Variants in PRKN observed in about 807,000 individuals in gnomAD.
PRKN encodes the protein E3 ubiquitin-protein ligase parkin.
In PRKN, 56 loss-of-function variants were observed where a neutral mutation model predicts 59.5. The ratio of observed to expected loss-of-function variants is 0.94; its 90% CI spans 0.76 to 1.18. The LOEUF is 1.18. PRKN is among the 50% of genes most tolerant of loss of function. The pLI is 0.00. For synonymous variants in PRKN, 250 were observed against 222.1 expected, an observed-to-expected ratio of 1.13 and a Z score of -1.12; for missense variants, 657 against 596.4, an observed-to-expected ratio of 1.10 and a Z score of -1.06.
chr6:162,574,764 G>GTTTTTTTTTT (rs371613068), intron 1 of PRKN, among the ~76,000 whole-genome samples: 3 of 86,306 alleles, frequency 3.5e-5, no homozygotes, highest in Non-Finnish European at 4.7e-5. Context: ...ATGATACTAA[G>GTTTTTTTTTT]TTGTTTTTTT....
In PRKN at chr6:161,582,480, G is replaced by A. The variant is rs1781375814; in HGVS notation, c.872-13064C>T. 6.6e-6 allele frequency among the ~76,000 whole-genome samples: 1 copy of A among 151,638 alleles called. No individual in the cohort carries two copies. The highest frequency in any genetic ancestry group is 2.1e-4 in the South Asian group (1 of 4,800). ...CTCGCTCTGTCGCCTAGGCTGGAGT[G>A]CAGTGGCGCGATCTAGGCTCACTGC... On this transcript the variant is annotated intron_variant, in intron 7 of 11. Transcript: ENST00000366898. This position sits in a 1 kb window ranked among gnomAD's most constrained non-coding sequence, Gnocchi z 4.4.
intron 2 of PRKN, among the ~76,000 whole-genome samples, chr6:162,321,478 C>A (rs576996222): frequency 1.3e-5 from 2 of 151,814 alleles, no homozygotes; most frequent in African/African-American, 2.4e-5. Flanking sequence ...CAATTCTACA[C>A]AAATGCTTGA....
intron 4 of PRKN, among the ~76,000 whole-genome samples, chr6:162,087,595 T>TTC (rs898510316): frequency 3.5e-5 from 5 of 143,196 alleles, no homozygotes; most frequent in African/African-American, 1.3e-4. Context: ...ATTTCTTTTT[T>TTC]TTTTTTTTTT....
intron 7 of PRKN, among the ~76,000 whole-genome samples, chr6:161,689,718 T>A (rs959890308): frequency 9.2e-5 from 14 of 152,172 alleles, no homozygotes; most frequent in African/African-American, 3.1e-4. Context: ...AAGAAAAATT[T>A]TTTTTTTTGA....
chr6:161,943,959 T>TTGAGGAAGCAGCC (rs1224327270), intron 6 of PRKN, among the ~76,000 whole-genome samples: 3 of 137,818 alleles, frequency 2.2e-5, no homozygotes, highest in Non-Finnish European at 4.7e-5. Context: ...GGGATCAGCC[T>TTGAGGAAGCAGCC]TGAGGAAGCA....
chr6:161,931,545 T>C (rs1227228913), intron 6 of PRKN, among the ~76,000 whole-genome samples: 1 of 152,180 alleles, frequency 6.6e-6, no homozygotes, highest in Non-Finnish European at 1.5e-5. Flanking sequence ...TTGTAAAAAG[T>C]AGATTTCTTT....
intron 2 of PRKN, among the ~76,000 whole-genome samples, chr6:162,403,443 G>A (rs537819398): frequency 6.6e-6 from 1 of 152,260 alleles, no homozygotes; most frequent in East Asian, 1.9e-4. Context: ...TCCCCAGCGA[G>A]TTTTATTTTT....
chr6:162,026,913 G>GT (rs1241213523), intron 5 of PRKN, among the ~76,000 whole-genome samples: 1 of 152,136 alleles, frequency 6.6e-6, no homozygotes, highest in Non-Finnish European at 1.5e-5. Context: ...TGAGTCTACC[G>GT]TATGTGTAAT....
At chr6:162,218,310 G>T (rs1777787069) in intron 3 of PRKN, among the ~76,000 whole-genome samples, 1 of 152,174 alleles carries the variant, frequency 6.6e-6, no homozygotes, top group African/African-American at 2.4e-5. Context: ...TGTTCCTGCT[G>T]AGAGAGGCCC....
chr6:162,020,335 A>T (rs1468949056), intron 5 of PRKN, among the ~76,000 whole-genome samples: 10 of 104,084 alleles, frequency 9.6e-5, no homozygotes, highest in Non-Finnish European at 1.6e-4. Context: ...AATGAATCAA[A>T]AAAAAAAAAA....
intron 4 of PRKN, among the ~76,000 whole-genome samples, chr6:162,155,443 A>C (rs952737346): frequency 6.6e-6 from 1 of 152,128 alleles, no homozygotes; most frequent in Non-Finnish European, 1.5e-5. Flanking sequence ...TTTTCTTTTT[A>C]AGCAGCACTA....
intron 6 of PRKN, among the ~76,000 whole-genome samples, chr6:161,825,532 T>A (rs1792207774): frequency 6.6e-6 from 1 of 152,130 alleles, no homozygotes; most frequent in Non-Finnish European, 1.5e-5. Context: ...TCTCAAGAGA[T>A]TTAACTTTAA....
At chr6:162,661,261 A>G (rs1446301077) in intron 1 of PRKN, among the ~76,000 whole-genome samples, 2 of 148,614 alleles carry the variant, frequency 1.3e-5, no homozygotes, top group South Asian at 2.1e-4. Flanking sequence ...AACTCTGTCT[A>G]AAAAAAAAAG....
At chr6:161,840,323 G>A (rs746722561) in intron 6 of PRKN, among the ~76,000 whole-genome samples, 12 of 152,188 alleles carry the variant, frequency 7.9e-5, no homozygotes, top group Non-Finnish European at 1.8e-4. Flanking sequence ...TGCAAAGACC[G>A]GGAATCAGCA....
intron 2 of PRKN, among the ~76,000 whole-genome samples, chr6:162,401,970 C>T (rs966562680): frequency 1.3e-5 from 2 of 152,066 alleles, no homozygotes; most frequent in Non-Finnish European, 2.9e-5. Context: ...CACAGTGTTG[C>T]CGGGTGAAGT....
chr6:162,531,527 A>T (rs923603388), intron 1 of PRKN, among the ~76,000 whole-genome samples: 9 of 151,968 alleles, frequency 5.9e-5, no homozygotes, highest in Admixed American at 5.2e-4. Flanking sequence ...AAATCATAGG[A>T]CCCGGAGCTG....
chr6:162,248,947 C>T (rs1779313510), intron 3 of PRKN, among the ~76,000 whole-genome samples: 2 of 151,488 alleles, frequency 1.3e-5, no homozygotes, highest in South Asian at 2.1e-4. Context: ...GGCATGATCT[C>T]GGCTCACTGC....
chr6:161,563,695 C>G (rs1780536987), intron 8 of PRKN, among the ~76,000 whole-genome samples: 1 of 152,212 alleles, frequency 6.6e-6, no homozygotes, highest in South Asian at 2.1e-4. Flanking sequence ...TCTAAAAAAT[C>G]AAGATACCTA....
chr6:162,105,131 A>C (rs957393287), intron 4 of PRKN, among the ~76,000 whole-genome samples: 1 of 152,180 alleles, frequency 6.6e-6, no homozygotes, highest in Non-Finnish European at 1.5e-5. Context: ...GACAGAACCC[A>C]CCTTGACATA....
Sources: gnomAD v4.1 joint callset for allele counts (sites outside exome capture counted in the v4.1 genomes callset) on GRCh38, gnomAD v4.1.1 for gene constraint, Gnocchi (gnomAD v3.1) non-coding constraint, MANE v1.5 for transcripts, NCBI Gene and HGNC (gene_info 2026-07-23, HGNC 2026-07-21) for gene names.